Variants in COL28A1 observed in about 807,000 individuals in gnomAD.
The protein encoded by COL28A1 is collagen alpha-1(XXVIII) chain.
Under a neutral mutation model 150.2 loss-of-function variants are expected in COL28A1, and 161 were observed. The observed-to-expected ratio is 1.07, with a 90% CI of 0.94 to 1.22. The LOEUF (loss-of-function observed/expected upper bound fraction) is 1.22. COL28A1 is among the 50% of genes most tolerant of loss of function. The probability of loss-of-function intolerance (pLI) is 0.00; values close to 1 mark genes in which losing one functional copy is unlikely to be tolerated. For missense variants in COL28A1, 1,617 were observed against 1,388.3 expected (o/e 1.16, Z -2.62); for synonymous variants, 552 against 469.7 (o/e 1.18, Z -2.26).
At chr7:7,400,994 G>GTGTGTA in intron 27 of COL28A1, among the ~76,000 whole-genome samples, 1 of 147,744 alleles carries the variant, frequency 6.8e-6, no homozygotes, top group Non-Finnish European at 1.5e-5. Flanking sequence ...GTGTGTGTGT[G>GTGTGTA]TGTGTGTGTG....
At chr7:7,474,578 G>C in intron 15 of COL28A1, 23 bp downstream of exon 15, 1 of 948,522 alleles carries the variant, frequency 1.1e-6, no homozygotes, top group Non-Finnish European at 1.7e-6. Context: ...ATTGTTTCCA[G>C]TGTACACCCT....
intron 15 of COL28A1, among the ~76,000 whole-genome samples, chr7:7,472,433 A>T (rs1019018461): frequency 1.3e-5 from 2 of 152,122 alleles, no homozygotes; most frequent in African/African-American, 2.4e-5. Context: ...GCTGCAAAAA[A>T]AAAAATAAAA....
chr7:7,444,262 C>T lies in COL28A1; in HGVS notation c.1581+156G>A, dbSNP rs1554274175. Among the ~76,000 whole-genome samples, 4 of 152,056 alleles carry T rather than the reference C, an allele frequency of 2.6e-5. No individual in the cohort carries two copies. In the South Asian group the frequency reaches 8.3e-4, roughly 32 times the overall value. On this transcript the variant is annotated intron_variant, in intron 19 of 34. Transcript: ENST00000399429. The stretch of plus-strand genomic sequence containing the variant: ...CCTTTGAATAGGCCACTCCTTCTCT[C>T]AGGGAGAAGTGGAAAGGGACATTTG...
intron 27 of COL28A1, among the ~76,000 whole-genome samples, chr7:7,412,445 A>G (rs1783844479): frequency 6.6e-6 from 1 of 152,132 alleles, no homozygotes; most frequent in African/African-American, 2.4e-5. Flanking sequence ...TAACCAATAT[A>G]TTATGCTTAA....
intron 18 of COL28A1, among the ~76,000 whole-genome samples, chr7:7,445,238 A>C (rs1480044354): frequency 6.6e-6 from 1 of 152,196 alleles, no homozygotes; most frequent in Non-Finnish European, 1.5e-5. Flanking sequence ...AACGGGTACT[A>C]TAAGAAGAGG....
chr7:7,511,645 T>C, intron 8 of COL28A1: 1 of 390,274 alleles, frequency 2.6e-6, no homozygotes, highest in Non-Finnish European at 5.3e-6. Context: ...TCAGCCTGAG[T>C]ACCAACCTTG....
intron 8 of COL28A1, among the ~76,000 whole-genome samples, chr7:7,512,022 T>C (rs1317975179): frequency 6.6e-6 from 1 of 152,212 alleles, no homozygotes; most frequent in Non-Finnish European, 1.5e-5. Flanking sequence ...AATGGAATAT[T>C]ATTCAGCCTT....
chr7:7,439,950 T>A lies in COL28A1; in HGVS notation c.1722+840A>T, dbSNP rs1020095877. Reference sequence around the variant, plus strand: ...ATCTGATGTTGTCAGCACCATTTTTTAAAAATGTGCTTTTTAATCATCTGG... The same window carrying A: ...ATCTGATGTTGTCAGCACCATTTTTAAAAAATGTGCTTTTTAATCATCTGG... On this transcript the variant is annotated intron_variant, in intron 21 of 34. Coordinates refer to ENST00000399429, the MANE Select transcript of COL28A1 (RefSeq NM_001037763.3). 5.2e-4 allele frequency among the ~76,000 whole-genome samples: 79 copies of A among 152,368 alleles called. 1 individual carries two copies. The highest frequency in any genetic ancestry group is 1.8e-3 in the African/African-American group (76 of 41,584).
At chr7:7,453,081 A>T (rs1208230694) in intron 17 of COL28A1, among the ~76,000 whole-genome samples, 1 of 152,230 alleles carries the variant, frequency 6.6e-6, no homozygotes, top group African/African-American at 2.4e-5. Flanking sequence ...CTAAGGTTTT[A>T]GTAGTTGCAC....
rs909942504 is a variant in COL28A1 at position 7,452,397 on chromosome 7, A to G, written c.1441-10T>C. 8.2e-6 allele frequency: 13 copies of G among 1,591,426 alleles called. No homozygotes were observed. The highest frequency in any genetic ancestry group is 1.1e-5 in the Non-Finnish European group (13 of 1,174,648). Reference sequence around the variant, plus strand: ...TTTGGCCTACTTCTCCCTAGTAAGAAAAGAGTTTAATACAGCAGCAAAGTG... The same window carrying G: ...TTTGGCCTACTTCTCCCTAGTAAGAGAAGAGTTTAATACAGCAGCAAAGTG... On this transcript the variant is annotated splice_polypyrimidine_tract_variant and intron_variant, in intron 17 of 34. Coordinates refer to ENST00000399429, the MANE Select transcript of COL28A1 (RefSeq NM_001037763.3).
chr7:7,392,873 C>T (rs141035213), intron 27 of COL28A1, among the ~76,000 whole-genome samples: 9 of 152,276 alleles, frequency 5.9e-5, no homozygotes, highest in African/African-American at 1.9e-4. Context: ...TTAGCAATTC[C>T]TCTAACCTTT....
At chr7:7,374,776 C>T (rs1012430030) in intron 31 of COL28A1, among the ~76,000 whole-genome samples, 5 of 152,074 alleles carry the variant, frequency 3.3e-5, no homozygotes, top group African/African-American at 1.2e-4. Context: ...CTTCTTAGGC[C>T]CAGCAGTCTT....
chr7:7,436,314 T>G (rs2286839), intron 23 of COL28A1, 81 bp downstream of exon 23: 95,200 of 833,832 alleles, frequency 0.11, 5,959 homozygotes, highest in Middle Eastern at 0.21. Context: ...ACCTCACAAG[T>G]AGAAAAATCA....
chr7:7,499,687 C>T (rs181331873), intron 11 of COL28A1, among the ~76,000 whole-genome samples: 1 of 152,246 alleles, frequency 6.6e-6, no homozygotes, highest in African/African-American at 2.4e-5. Flanking sequence ...TATATCTACA[C>T]AAGATGCTTG....
chr7:7,398,321 A>G (rs1782966315), intron 27 of COL28A1, among the ~76,000 whole-genome samples: 1 of 152,202 alleles, frequency 6.6e-6, no homozygotes, highest in Non-Finnish European at 1.5e-5. Flanking sequence ...TCCTGCAATC[A>G]TTTTCTTAAA....
chr7:7,486,818 T>C (rs1324900459), intron 13 of COL28A1, among the ~76,000 whole-genome samples: 2 of 152,218 alleles, frequency 1.3e-5, no homozygotes, highest in African/African-American at 4.8e-5. Context: ...TAATTCTTTT[T>C]ATATATTGCT....
At chr7:7,344,267 G>C in the COL28A1 span, among the ~76,000 whole-genome samples, 218 of 152,020 alleles carry the variant, frequency 1.4e-3, 1 homozygote, top group Admixed American at 3.5e-3. Flanking sequence ...ACTGCACCTG[G>C]CCTATTGTCT....
At chr7:7,413,797 T>C (rs529284039) in intron 27 of COL28A1, among the ~76,000 whole-genome samples, 1 of 152,358 alleles carries the variant, frequency 6.6e-6, no homozygotes, top group African/African-American at 2.4e-5. Context: ...GTCAGTCATA[T>C]TCAAGCCTAC....
intron 6 of COL28A1, among the ~76,000 whole-genome samples, chr7:7,519,194 T>C (rs1781575666): frequency 6.6e-6 from 1 of 152,120 alleles, no homozygotes; most frequent in African/African-American, 2.4e-5. Context: ...AAGCCACATC[T>C]TACATGGTGA....
Sources: allele counts gnomAD v4.1 joint callset (sites outside exome capture counted in the v4.1 genomes callset), GRCh38; gene constraint gnomAD v4.1.1; transcripts MANE v1.5; gene names NCBI Gene and HGNC (gene_info 2026-07-23, HGNC 2026-07-21).